The following TRIM33 variants were observed in gnomAD, a reference collection of about 807,000 sequenced individuals.
The protein encoded by TRIM33 is tripartite motif containing 33.
Under a neutral mutation model 125.4 loss-of-function variants are expected in TRIM33, and 20 were observed. The observed-to-expected ratio is 0.16, with a 90% CI of 0.11 to 0.23. The LOEUF (loss-of-function observed/expected upper bound fraction) is 0.23. Ranked by LOEUF, TRIM33 falls within the 10% of genes least tolerant of loss-of-function variation. The pLI, the probability that TRIM33 is intolerant of heterozygous loss-of-function variation, is 1.00. For synonymous variants in TRIM33, 564 were observed against 513.9 expected (o/e 1.10, Z -1.32); for missense variants, 920 against 1,411.4 (o/e 0.65, Z 5.58).
chr1:114,431,091 A>G (rs1256689076), intron 5 of TRIM33, among the ~76,000 whole-genome samples, 179 bp from the exon 6 acceptor site: 1 of 152,258 alleles, frequency 6.6e-6, no homozygotes, highest in Non-Finnish European at 1.5e-5. Context: ...AGTTATGTAC[A>G]TAGACAAATA....
chr1:114,432,007 A>G (rs1647981334), intron 5 of TRIM33, among the ~76,000 whole-genome samples: 1 of 152,228 alleles, frequency 6.6e-6, no homozygotes, highest in African/African-American at 2.4e-5. Context: ...AGTCTACTGT[A>G]TGTTCAGTTT....
chr1:114,431,905 T>C (rs904268630), intron 5 of TRIM33, among the ~76,000 whole-genome samples: 3 of 152,158 alleles, frequency 2.0e-5, no homozygotes, highest in Admixed American at 1.3e-4. Context: ...TATAAAATGA[T>C]TGGGCTGAAG....
intron 1 of TRIM33, among the ~76,000 whole-genome samples, chr1:114,475,482 C>A (rs1441184418): frequency 6.6e-6 from 1 of 152,184 alleles, no homozygotes; most frequent in Non-Finnish European, 1.5e-5. Context: ...GAGATCGAGA[C>A]CATCCTGGCA....
chr1:114,418,092 C>T (rs58747061), intron 11 of TRIM33, among the ~76,000 whole-genome samples: 4,483 of 152,288 alleles, frequency 0.029, 156 homozygotes, highest in African/African-American at 0.082. Context: ...TAAATTGACT[C>T]ACAGTTCTGC....
chr1:114,500,273 T>C (rs1043171531), intron 1 of TRIM33, among the ~76,000 whole-genome samples: 4 of 152,214 alleles, frequency 2.6e-5, no homozygotes, highest in African/African-American at 9.7e-5. Context: ...CTGATTTACA[T>C]ATTCAAAGCA....
At chr1:114,469,168 G>A (rs965160186) in intron 1 of TRIM33, 2 of 177,498 alleles carry the variant, frequency 1.1e-5, no homozygotes, top group African/African-American at 4.8e-5. Flanking sequence ...CTGCAGAAGA[G>A]ACTCAACTCT....
intron 1 of TRIM33, among the ~76,000 whole-genome samples, chr1:114,489,903 G>GAAAGTAA (rs1557898190): frequency 6.6e-6 from 1 of 151,776 alleles, no homozygotes; most frequent in Non-Finnish European, 1.5e-5. Flanking sequence ...ATCCCAGACA[G>GAAAGTAA]AAAGTAAAAG....
intron 1 of TRIM33, among the ~76,000 whole-genome samples, chr1:114,491,323 CTCA>C (rs1652049738): frequency 6.6e-6 from 1 of 152,118 alleles, no homozygotes; most frequent in Admixed American, 6.5e-5. Flanking sequence ...AGGGTCGATT[CTCA>C]TCATTTATAG....
chr1:114,507,977 C>T (rs1331093084), intron 1 of TRIM33, among the ~76,000 whole-genome samples: 2 of 151,986 alleles, frequency 1.3e-5, no homozygotes, highest in East Asian at 1.9e-4. Context: ...ATTAGCCAGG[C>T]GTGGTGATAT....
intron 1 of TRIM33, among the ~76,000 whole-genome samples, chr1:114,500,721 A>G (rs1386603070): frequency 6.6e-6 from 1 of 151,992 alleles, no homozygotes; most frequent in Non-Finnish European, 1.5e-5. Context: ...CTTACTGCTT[A>G]TTATTATAAA....
At chr1:114,475,931 T>C (rs1013728967) in intron 1 of TRIM33, among the ~76,000 whole-genome samples, 16 of 151,280 alleles carry the variant, frequency 1.1e-4, no homozygotes, top group African/African-American at 3.6e-4. Context: ...GCCCGGGAGG[T>C]GGAGGCTGCA....
Position 114,461,218 on chromosome 1 carries a change from AT to A in TRIM33, c.923+1885del, listed in dbSNP as rs201742737. ...AGAGCAAGAACCTGTCTTTAAAAAT[AT>A]ATATATATATATATATACATATATT... On this transcript the variant is annotated intron_variant, in intron 4 of 19. Coordinates refer to ENST00000358465, the MANE Select transcript of TRIM33 (RefSeq NM_015906.4). Among the ~76,000 whole-genome samples, 87 of 44,548 alleles carry A rather than the reference AT, an allele frequency of 2.0e-3. 1 individual carries two copies. The highest frequency in any genetic ancestry group is 0.013 in the South Asian group (9 of 714). The allele number at this position is 44,548 out of a possible 152,430, so 29.2% of individuals were successfully genotyped here. A position where few individuals can be genotyped will look rare whatever the true frequency, so the allele number is the denominator to read the frequency against.
chr1:114,443,220 A>G (rs936529526), intron 4 of TRIM33, among the ~76,000 whole-genome samples: 1 of 151,612 alleles, frequency 6.6e-6, no homozygotes, highest in Non-Finnish European at 1.5e-5. Flanking sequence ...CATCACTACT[A>G]AAAATACAAA....
At position 114,399,654 on chromosome 1, in the gene TRIM33, CAA is replaced by C; in HGVS notation, c.2968-47_2968-46del. The C allele has an allele frequency of 2.0e-6, 3 of 1,478,594 alleles. No individual in the cohort carries two copies. The East Asian group carries it at 6.9e-5, about 34-fold the overall frequency. The allele number at this position is 1,478,594 out of a possible 1,614,324, so 91.6% of individuals were successfully genotyped here. A position where few individuals can be genotyped will look rare whatever the true frequency, so the allele number is the denominator to read the frequency against. On this transcript the variant is annotated intron_variant, in intron 17 of 19. Coordinates refer to ENST00000358465, the MANE Select transcript of TRIM33 (RefSeq NM_015906.4). ...GCAAATAAGAATTCTCCAAAAATGC[CAA>C]ACTGTTTAATTTGAAAATGCATAGC...
intron 5 of TRIM33, among the ~76,000 whole-genome samples, chr1:114,431,302 C>T (rs1012700345): frequency 5.3e-5 from 8 of 152,100 alleles, no homozygotes; most frequent in African/African-American, 1.9e-4. Flanking sequence ...ATGTCACAAG[C>T]AATAATTATC....
intron 1 of TRIM33, among the ~76,000 whole-genome samples, chr1:114,492,865 T>C (rs1442736732): frequency 6.6e-6 from 1 of 152,244 alleles, no homozygotes; most frequent in African/African-American, 2.4e-5. Context: ...AATGCTGCAA[T>C]TAATACTGGC....
chr1:114,428,174 TATTAG>T (rs1398569195), intron 6 of TRIM33, among the ~76,000 whole-genome samples: 36 of 152,348 alleles, frequency 2.4e-4, no homozygotes, highest in African/African-American at 7.5e-4. Context: ...AGTGTCTTCC[TATTAG>T]ATTAATCTAA....
chr1:114,399,937 C>CT (rs146404304), intron 17 of TRIM33, among the ~76,000 whole-genome samples: 41 of 146,702 alleles, frequency 2.8e-4, no homozygotes, highest in African/African-American at 5.5e-4. Flanking sequence ...AGGAGTTTTT[C>CT]TTTTTTTTTT....
chr1:114,463,925 C>A (rs1327708635), intron 2 of TRIM33, among the ~76,000 whole-genome samples: 2 of 151,692 alleles, frequency 1.3e-5, no homozygotes, highest in Admixed American at 1.3e-4. Context: ...CATGCCACCA[C>A]GCCCGGCTAG....
Sources: allele counts gnomAD v4.1 joint callset (sites outside exome capture counted in the v4.1 genomes callset), GRCh38; gene constraint gnomAD v4.1.1; transcripts MANE v1.5; gene names NCBI Gene and HGNC (gene_info 2026-07-23, HGNC 2026-07-21).